The following MACF1 variants were observed in gnomAD, a reference collection of about 807,000 sequenced individuals.
The protein encoded by MACF1 is microtubule-actin cross-linking factor 1.
Under a neutral mutation model 854.8 loss-of-function variants are expected in MACF1, and 193 were observed. The ratio of observed to expected loss-of-function variants is 0.23; its 90% confidence interval spans 0.20 to 0.25. The LOEUF is 0.25. Ranked by LOEUF, MACF1 falls within the 10% of genes least tolerant of loss-of-function variation. MACF1 has a pLI of 1.00. For synonymous variants in MACF1, 3,185 were observed against 3,226.7 expected, an observed-to-expected ratio of 0.99 and a Z score of 0.44; for missense variants, 7,722 against 8,929.1, an observed-to-expected ratio of 0.86 and a Z score of 5.45.
intron 2 of MACF1, among the ~76,000 whole-genome samples, chr1:39,100,352 AAGG>A (rs1056936338): frequency 4.5e-4 from 68 of 152,316 alleles, no homozygotes; most frequent in African/African-American, 1.6e-3. Flanking sequence ...ATTATAGGGA[AAGG>A]AGGTACACAC....
intron 44 of MACF1, among the ~76,000 whole-genome samples, chr1:39,354,805 C>T (rs1569660417): frequency 3.9e-5 from 6 of 152,300 alleles, no homozygotes; most frequent in Admixed American, 3.9e-4. Context: ...TTACAGGCTG[C>T]CTGTTCTGTA....
intron 15 of MACF1, 139 bp downstream of exon 15, chr1:39,287,701 C>T: frequency 1.0e-6 from 1 of 975,386 alleles, no homozygotes; most frequent in Non-Finnish European, 1.5e-6. Flanking sequence ...GTGATGGGGT[C>T]TTGCTATGTT....
chr1:39,302,870 A>G, intron 22 of MACF1, 54 bp from the exon 23 acceptor site: 1 of 1,530,054 alleles, frequency 6.5e-7, no homozygotes, highest in South Asian at 1.2e-5. Flanking sequence ...GCACCAGGAA[A>G]TAATGGGTTG....
At chr1:39,387,164 T>G (rs1167750274) in intron 57 of MACF1, 23 bp from the exon 58 acceptor site, 3 of 1,604,608 alleles carry the variant, frequency 1.9e-6, no homozygotes. Context: ...TTTATTGATT[T>G]CAATTTTATT....
chr1:39,105,292 G>A lies in MACF1; in HGVS notation c.220+20854G>A, dbSNP rs1295835427. The A allele has an allele frequency of 8.7e-6, 5 of 574,766 alleles. No individual in the cohort carries two copies. The highest frequency in any genetic ancestry group is 2.0e-5 in the African/African-American group (1 of 49,322). The allele number at this position is 574,766 out of a possible 1,614,324, so 35.6% of individuals were successfully genotyped here. On this transcript the variant is annotated intron_variant, in intron 2 of 93. Transcript: ENST00000361689. The surrounding 1 kb of genome is among the most constrained non-coding windows in gnomAD (Gnocchi z 5.9). ...GCGGCGGGGAGAGGGGGCGGGGAAC[G>A]GGCCGGGCCTGGCGCTCCTGACAGG...
In MACF1 at chr1:39,427,990, A is replaced by C. The variant is rs1375768188; in HGVS notation, c.16506A>C (p.Ala5502=). The change falls in exon 63 of 101, where the codon GCA becomes GCC. Residue 5502 remains alanine, a synonymous_variant. Coordinates refer to ENST00000564288, the MANE Select transcript of MACF1 (RefSeq NM_001394062.1). ...KALEEDIENH[A]TDVHQAVKIG... ...TGGAAGAAGACATAGAAAACCATGC[A>C]ACAGATGTGCACCAGGCAGTCAAAA... 5 of 1,614,012 alleles carry C rather than the reference A, an allele frequency of 3.1e-6. No homozygotes were observed. Among genetic ancestry groups the C allele is most frequent in the Non-Finnish European group, 4.2e-6 (5 of 1,179,914 alleles).
chr1:39,229,074 C>A (rs953125227), intron 1 of MACF1, among the ~76,000 whole-genome samples: 1 of 152,174 alleles, frequency 6.6e-6, no homozygotes, highest in Non-Finnish European at 1.5e-5. Context: ...TTAGTGAATT[C>A]TCTATTATCC....
chr1:39,434,276 T>C, intron 68 of MACF1, 138 bp from the exon 69 acceptor site: 1 of 428,130 alleles, frequency 2.3e-6, no homozygotes, highest in African/African-American at 2.0e-5. Context: ...TAAAAATCAC[T>C]TGTAATCTTT....
In MACF1 at chr1:39,165,456, C is replaced by T. The variant is rs559465214; in HGVS notation, c.221-65726C>T. Reference sequence around the variant, plus strand: ...TCACTGGGCTAGAGAGGGTCATCAGCACAAACTCACTTTGGGGTTGGTTTC... The same window carrying T: ...TCACTGGGCTAGAGAGGGTCATCAGTACAAACTCACTTTGGGGTTGGTTTC... On this transcript the variant is annotated intron_variant, in intron 2 of 93. Coordinates refer to the MACF1 transcript ENST00000361689. Among the ~76,000 whole-genome samples, 4 of 152,310 alleles carry T rather than the reference C, an allele frequency of 2.6e-5. No individual in the cohort carries two copies. In the South Asian group the frequency reaches 8.3e-4, roughly 32 times the overall value.
rs1331482182 is a variant in MACF1 at position 39,388,503 on chromosome 1, G to A, written c.15661G>A (p.Glu5221Lys). The A allele has an allele frequency of 1.9e-6, 3 of 1,614,184 alleles. No individual in the cohort carries two copies. The highest frequency in any genetic ancestry group is 3.3e-5 in the Admixed American group (2 of 60,022). Residue 5221 changes from glutamate (E) to lysine (K), a missense_variant, in exon 58 of 101, where the codon GAA (glutamate) becomes AAA (lysine). By Grantham distance (56) the Glu-to-Lys change is moderately conservative. This residue lies in a region of MACF1 where 2,807 missense variants were observed against 3,235.8 expected (regional missense o/e 0.87). Transcript: ENST00000564288. ...KLTERGKARQ[E>K]QLELTLGRVE... ...GACAGAGAGGGGGAAAGCTCGTCAG[G>A]AACAGCTGGAACTGACACTAGGCCG...
intron 2 of MACF1, among the ~76,000 whole-genome samples, chr1:39,195,421 T>C (rs1644307812): frequency 6.6e-6 from 1 of 152,250 alleles, no homozygotes; most frequent in Non-Finnish European, 1.5e-5. Flanking sequence ...AGTTATTTAG[T>C]GACTAAGATT....
chr1:39,423,609 TG>T (rs1643623704), intron 60 of MACF1, among the ~76,000 whole-genome samples: 1 of 133,136 alleles, frequency 7.5e-6, no homozygotes. Flanking sequence ...CACTCCAGCC[TG>T]GGAGACAGAG....
chr1:39,287,498 C>A lies in MACF1; in HGVS notation c.1721C>A (p.Ser574Tyr). The stretch of plus-strand genomic sequence containing the variant: ...CGGGCTGAACTTGTGGCCATCAGCT[C>A]CTCTGAAGATGAAGGCAATCTCCGA... Reference protein sequence around the residue: ...MTRAELVAISSSEDEGNLRFV... With the variant: ...MTRAELVAISYSEDEGNLRFV... The change falls in exon 15 of 101, where the codon TCC (serine) becomes TAC (tyrosine). Residue 574 changes from serine (S) to tyrosine (Y), a missense_variant. Physicochemically the swap from Ser to Tyr is moderately radical, Grantham distance 144. This residue lies in a region of MACF1 where 1,137 missense variants were observed against 1,263.0 expected (regional missense o/e 0.90). Coordinates refer to ENST00000564288, the MANE Select transcript of MACF1 (RefSeq NM_001394062.1). 2.5e-6 allele frequency: 4 copies of A among 1,614,170 alleles called. No individual in the cohort carries two copies. The highest frequency in any genetic ancestry group is 3.4e-6 in the Non-Finnish European group (4 of 1,180,032).
At chr1:39,444,163 G>C (rs1411952810) in intron 79 of MACF1, among the ~76,000 whole-genome samples, 1 of 151,958 alleles carries the variant, frequency 6.6e-6, no homozygotes, top group Non-Finnish European at 1.5e-5. Flanking sequence ...GTGAAACCTC[G>C]TCTCTACTAA....
chr1:39,304,557 T>A, intron 23 of MACF1: 1 of 948,842 alleles, frequency 1.1e-6, no homozygotes, highest in Non-Finnish European at 1.6e-6. Context: ...TCAAATTTTC[T>A]TTTCTTTCTT....
intron 3 of MACF1, among the ~76,000 whole-genome samples, chr1:39,250,825 G>A (rs1368707922): frequency 6.6e-6 from 1 of 152,186 alleles, no homozygotes; most frequent in African/African-American, 2.4e-5. Flanking sequence ...TGCTTTGAGG[G>A]ATGGAAATCA....
intron 2 of MACF1, among the ~76,000 whole-genome samples, chr1:39,138,901 G>A (rs1432501995): frequency 6.6e-6 from 1 of 152,126 alleles, no homozygotes; most frequent in Non-Finnish European, 1.5e-5. Flanking sequence ...CTGACCTCAG[G>A]TGATCCACCC....
At chr1:39,218,182 CAAAAAAAAAAAA>C (rs36113375) in intron 1 of MACF1, among the ~76,000 whole-genome samples, 66 of 84,486 alleles carry the variant, frequency 7.8e-4, no homozygotes, top group Non-Finnish European at 1.3e-3. Context: ...GACTCCGTCT[CAAAAAAAAAAAA>C]AAAAAAAAAA....
intron 2 of MACF1, among the ~76,000 whole-genome samples, chr1:39,170,388 T>C (rs1484541432): frequency 6.6e-6 from 1 of 152,226 alleles, no homozygotes; most frequent in Non-Finnish European, 1.5e-5. Flanking sequence ...CCAATCACTC[T>C]TTCATTCGAC....
Sources: allele counts gnomAD v4.1 joint callset (sites outside exome capture counted in the v4.1 genomes callset), GRCh38; gene constraint gnomAD v4.1.1; regional missense constraint gnomAD v4.1.1; non-coding constraint Gnocchi (gnomAD v3.1); transcripts MANE v1.5; gene names NCBI Gene and HGNC (gene_info 2026-07-23, HGNC 2026-07-21).